CRTAM: variants seen among roughly 807,000 people sequenced by gnomAD.
The protein encoded by CRTAM is cytotoxic and regulatory T-cell molecule.
A neutral mutation model predicts 50.0 loss-of-function variants in CRTAM; 44 were observed. The observed-to-expected ratio is 0.88, with a 90% CI of 0.69 to 1.13. CRTAM has a LOEUF of 1.13. CRTAM is among the 50% of genes most tolerant of loss of function. CRTAM has a pLI of 0.00. For missense variants in CRTAM, 448 were observed against 457.5 expected, an observed-to-expected ratio of 0.98 and a Z score of 0.19; for synonymous variants, 159 against 169.3, an observed-to-expected ratio of 0.94 and a Z score of 0.47.
At chr11:122,854,973 T>C (rs1861986320) in intron 4 of CRTAM, among the ~76,000 whole-genome samples, 1 of 152,100 alleles carries the variant, frequency 6.6e-6, no homozygotes, top group Non-Finnish European at 1.5e-5. Flanking sequence ...TTTTTTGAGA[T>C]GGAGTCTCAC....
At chr11:122,855,317 G>A (rs1157133569) in intron 4 of CRTAM, among the ~76,000 whole-genome samples, 1 of 152,232 alleles carries the variant, frequency 6.6e-6, no homozygotes, top group Non-Finnish European at 1.5e-5. Flanking sequence ...GAGTTCTAGA[G>A]AGAAAAGACC....
chr11:122,850,932 C>T (rs555812686), intron 2 of CRTAM, among the ~76,000 whole-genome samples: 1 of 152,310 alleles, frequency 6.6e-6, no homozygotes, highest in East Asian at 1.9e-4. Context: ...GTCTAAAACA[C>T]ATTTCAGTCT....
chr11:122,840,996 G>A (rs1861790538), intron 1 of CRTAM, among the ~76,000 whole-genome samples: 1 of 152,166 alleles, frequency 6.6e-6, no homozygotes, highest in Non-Finnish European at 1.5e-5. Flanking sequence ...TTGTTTTGTG[G>A]AGGGTAGGAT....
At chr11:122,858,415 G>A (rs1196268019) in intron 5 of CRTAM, among the ~76,000 whole-genome samples, 1 of 152,002 alleles carries the variant, frequency 6.6e-6, no homozygotes, top group Non-Finnish European at 1.5e-5. Context: ...TTGTAGGTAT[G>A]GGGTTTCGCC....
chr11:122,863,247 AAGAGAG>A (rs1555042355), intron 6 of CRTAM, among the ~76,000 whole-genome samples: 14 of 144,896 alleles, frequency 9.7e-5, no homozygotes, highest in Non-Finnish European at 2.1e-4. Context: ...GAAAGAAAGA[AAGAGAG>A]AAAGAAAAGA....
intron 9 of CRTAM, among the ~76,000 whole-genome samples, chr11:122,870,379 C>T (rs572115683): frequency 1.2e-4 from 18 of 152,276 alleles, no homozygotes; most frequent in East Asian, 3.9e-4. Context: ...CCACGCCCAG[C>T]CAACTTTAAG....
chr11:122,871,463 G>C lies in CRTAM; in HGVS notation c.*64G>C. On this transcript the variant is annotated 3_prime_UTR_variant, in exon 10 of 10. Transcript: ENST00000227348. ...CAGTGTCACCTCAGTGGACCAGCCT[G>C]GGGGAAGGAGCTTAATTGCTGAGAC... The C allele has an allele frequency of 3.4e-6, 5 of 1,452,198 alleles. No homozygotes were observed. Among genetic ancestry groups the C allele is most frequent in the Non-Finnish European group, 4.7e-6 (5 of 1,064,270 alleles). 90.0% of individuals were successfully genotyped at this position (1,452,198 alleles called of 1,614,324 possible).
chr11:122,859,760 A>T (rs1489931162), intron 5 of CRTAM, among the ~76,000 whole-genome samples: 1 of 152,176 alleles, frequency 6.6e-6, no homozygotes, highest in Non-Finnish European at 1.5e-5. Context: ...ATGTCAATGA[A>T]CTTTTCATAC....
chr11:122,860,884 ATGGGGTCT>A (rs1862062728), intron 5 of CRTAM, among the ~76,000 whole-genome samples: 1 of 151,996 alleles, frequency 6.6e-6, no homozygotes, highest in African/African-American at 2.4e-5. Flanking sequence ...TTTTGTAGAG[ATGGGGTCT>A]TGCCATGTTG....
chr11:122,866,000 C>T (rs1862168159), intron 7 of CRTAM, among the ~76,000 whole-genome samples: 1 of 152,182 alleles, frequency 6.6e-6, no homozygotes, highest in African/African-American at 2.4e-5. Context: ...TTCTCCTCCT[C>T]TGGTTCACTT....
intron 5 of CRTAM, 119 bp downstream of exon 5, chr11:122,855,975 T>C (rs552704247): frequency 1.3e-5 from 10 of 789,422 alleles, no homozygotes; most frequent in Admixed American, 2.9e-5. Context: ...CAACAAAGCT[T>C]TCCTAATAGC....
At position 122,871,296 on chromosome 11, in the gene CRTAM, A is replaced by G. The variant is rs762806413; in HGVS notation, c.1079A>G (p.Tyr360Cys). ...TCCCACCCTATGCGTTGCATGAACT[A>G]CATCACAAAGTTGTACTCAGAAGCA... ...QSSHPMRCMN[Y>C]ITKLYSEAKT... The change falls in exon 10 of 10, where the codon TAC becomes TGC. Residue 360 changes from tyrosine (Y) to cysteine (C), a missense_variant. Transcript: ENST00000227348. 1.2e-5 allele frequency: 19 copies of G among 1,613,540 alleles called. No homozygotes were observed. The Admixed American group carries it at 2.3e-4, about 20-fold the overall frequency.
Position 122,838,527 on chromosome 11 carries a change from C to A in CRTAM, c.-20C>A. On this transcript the variant is annotated 5_prime_UTR_variant, in exon 1 of 10. Coordinates refer to ENST00000227348, the MANE Select transcript of CRTAM (RefSeq NM_019604.4). ...AATCTAGAGGAAGTTGACAAAGGTG[C>A]CACAGCAGCACAGCACAGTATGTGG... The A allele has an allele frequency of 6.2e-7, 1 of 1,612,584 alleles. No individual in the cohort carries two copies. The highest frequency in any genetic ancestry group is 2.2e-5 in the East Asian group (1 of 44,848).
At chr11:122,857,077 G>A (rs1311908994) in intron 5 of CRTAM, among the ~76,000 whole-genome samples, 1 of 152,170 alleles carries the variant, frequency 6.6e-6, no homozygotes, top group Admixed American at 6.5e-5. Context: ...AATTGTTCAA[G>A]CCATCTACAA....
intron 7 of CRTAM, 23 bp from the exon 8 acceptor site, chr11:122,867,386 C>T: frequency 6.4e-7 from 1 of 1,572,790 alleles, no homozygotes; most frequent in South Asian, 1.2e-5. Flanking sequence ...AGTATCTAAA[C>T]TCCTTTTTCA....
intron 1 of CRTAM, among the ~76,000 whole-genome samples, chr11:122,841,549 C>T (rs967345246): frequency 3.3e-5 from 5 of 151,738 alleles, no homozygotes; most frequent in East Asian, 3.9e-4. Context: ...TACAGGCACC[C>T]GCCACCACTC....
chr11:122,846,529 T>C (rs1306480004), intron 1 of CRTAM, among the ~76,000 whole-genome samples: 1 of 152,130 alleles, frequency 6.6e-6, no homozygotes, highest in African/African-American at 2.4e-5. Flanking sequence ...CCTCAGGTGA[T>C]CTGCTCACTT....
rs140878535 is a variant in CRTAM at position 122,856,148 on chromosome 11, G to A, written c.652+292G>A. 3.6e-3 allele frequency among the ~76,000 whole-genome samples: 547 copies of A among 152,288 alleles called. 4 individuals are homozygous for A. Among genetic ancestry groups the A allele is most frequent in the African/African-American group, 0.013 (529 of 41,562 alleles). On this transcript the variant is annotated intron_variant, in intron 5 of 9. Transcript: ENST00000227348. ...GACTTTAAATCGTTTTATTGCTGTT[G>A]TGTTTTTGGAGTAATCATATGAATC...
intron 5 of CRTAM, 70 bp from the exon 6 acceptor site, chr11:122,862,394 C>G (rs1174659255): frequency 1.0e-6 from 1 of 972,116 alleles, no homozygotes; most frequent in Admixed American, 1.7e-5. Flanking sequence ...TCTCCAATCT[C>G]TTTTACTGAG....
Sources: gnomAD v4.1 joint callset for allele counts (sites outside exome capture counted in the v4.1 genomes callset) on GRCh38, gnomAD v4.1.1 for gene constraint, MANE v1.5 for transcripts, NCBI Gene and HGNC (gene_info 2026-07-23, HGNC 2026-07-21) for gene names.